The following FBXL17 variants were observed in gnomAD, a reference collection of about 807,000 sequenced individuals.
FBXL17 encodes the protein F-box and leucine rich repeat protein 17.
Under a neutral mutation model 66.2 loss-of-function variants are expected in FBXL17, and 22 were observed. That is an observed-to-expected ratio of 0.33 (90% CI 0.24 to 0.47). The LOEUF (loss-of-function observed/expected upper bound fraction) is 0.47. Among genes scored for constraint, FBXL17 ranks in the 20% least tolerant of loss-of-function variants. The pLI, the probability that FBXL17 is intolerant of heterozygous loss-of-function variation, is 1.00. For missense variants in FBXL17, 878 were observed against 948.2 expected, an observed-to-expected ratio of 0.93 and a Z score of 0.97; for synonymous variants, 474 against 400.5, an observed-to-expected ratio of 1.18 and a Z score of -2.19.
At chr5:108,059,329 G>A (rs1365804641) in intron 6 of FBXL17, among the ~76,000 whole-genome samples, 1 of 152,150 alleles carries the variant, frequency 6.6e-6, no homozygotes, top group Non-Finnish European at 1.5e-5. Context: ...TATTAGACCT[G>A]ACAGAGGCCT....
chr5:108,108,307 T>C (rs1749888947), intron 6 of FBXL17, among the ~76,000 whole-genome samples: 1 of 152,240 alleles, frequency 6.6e-6, no homozygotes, highest in Non-Finnish European at 1.5e-5. Context: ...ACAGTGTAGT[T>C]TTATTTTATT....
chr5:108,021,033 C>A, intron 6 of FBXL17, 32 bp from the exon 7 acceptor site: 2 of 1,509,810 alleles, frequency 1.3e-6, no homozygotes, highest in Non-Finnish European at 1.8e-6. Flanking sequence ...TATACTAATG[C>A]GTTTCAAGTT....
At chr5:108,070,626 A>G (rs560156746) in intron 6 of FBXL17, among the ~76,000 whole-genome samples, 2 of 152,320 alleles carry the variant, frequency 1.3e-5, no homozygotes, top group South Asian at 4.1e-4. Context: ...CCAAACCTCA[A>G]TTGCAAGGAT....
At chr5:108,047,174 A>G (rs573690286) in intron 6 of FBXL17, among the ~76,000 whole-genome samples, 1 of 152,310 alleles carries the variant, frequency 6.6e-6, no homozygotes, top group Admixed American at 6.5e-5. Flanking sequence ...GAGGGGAAGG[A>G]AGAGTAGTAT....
intron 6 of FBXL17, among the ~76,000 whole-genome samples, chr5:108,132,087 C>T (rs1750958013): frequency 6.6e-6 from 1 of 151,858 alleles, no homozygotes; most frequent in African/African-American, 2.4e-5. Context: ...AGCGATTCTC[C>T]TGCCTCAGCC....
At chr5:108,215,509 T>A (rs1287182709) in intron 5 of FBXL17, among the ~76,000 whole-genome samples, 1 of 152,212 alleles carries the variant, frequency 6.6e-6, no homozygotes, top group Non-Finnish European at 1.5e-5. Flanking sequence ...GGCAGCCAAG[T>A]ATATCTTCTC....
intron 4 of FBXL17, among the ~76,000 whole-genome samples, chr5:108,263,381 A>G (rs752561842): frequency 4.6e-5 from 7 of 152,222 alleles, no homozygotes; most frequent in Non-Finnish European, 7.3e-5. Flanking sequence ...AAAACAATAA[A>G]ATGTTTAAAA....
intron 6 of FBXL17, among the ~76,000 whole-genome samples, chr5:108,127,695 G>C (rs891149234): frequency 6.6e-6 from 1 of 151,944 alleles, no homozygotes; most frequent in African/African-American, 2.4e-5. Flanking sequence ...AAAATCTATA[G>C]GTAATGTGAT....
intron 4 of FBXL17, among the ~76,000 whole-genome samples, chr5:108,277,603 G>A (rs1275130259): frequency 6.6e-6 from 1 of 152,140 alleles, no homozygotes; most frequent in African/African-American, 2.4e-5. Flanking sequence ...TAATTTATTT[G>A]GTCATTCTGA....
chr5:108,281,733 C>T (rs570424723), intron 4 of FBXL17, among the ~76,000 whole-genome samples: 1 of 151,474 alleles, frequency 6.6e-6, no homozygotes, highest in Non-Finnish European at 1.5e-5. Flanking sequence ...AAAGGATCAA[C>T]AAAACAAAAA....
chr5:108,320,457 T>A (rs1012511674), intron 4 of FBXL17, among the ~76,000 whole-genome samples: 3 of 151,190 alleles, frequency 2.0e-5, no homozygotes, highest in African/African-American at 7.3e-5. Flanking sequence ...CAAAAAAAAA[T>A]TTTTTTTTGG....
intron 5 of FBXL17, among the ~76,000 whole-genome samples, chr5:108,192,310 C>A (rs1753500188): frequency 6.6e-6 from 1 of 152,156 alleles, no homozygotes; most frequent in Non-Finnish European, 1.5e-5. Flanking sequence ...CAAAGCCTTA[C>A]AATCAAGATC....
intron 4 of FBXL17, among the ~76,000 whole-genome samples, chr5:108,291,132 G>T (rs917478264): frequency 1.3e-5 from 2 of 152,108 alleles, no homozygotes; most frequent in Non-Finnish European, 2.9e-5. Context: ...TATTGGACTA[G>T]TTCCATTTCT....
chr5:107,905,809 T>G (rs1379103537), intron 7 of FBXL17, among the ~76,000 whole-genome samples: 2 of 152,220 alleles, frequency 1.3e-5, no homozygotes, highest in African/African-American at 4.8e-5. Flanking sequence ...GGAGATTCCC[T>G]TTTAATAAAT....
At chr5:107,884,771 G>A (rs1265543229) in intron 7 of FBXL17, among the ~76,000 whole-genome samples, 1 of 152,158 alleles carries the variant, frequency 6.6e-6, no homozygotes, top group Non-Finnish European at 1.5e-5. Flanking sequence ...CAATGGGGAG[G>A]TTGATTATTT....
intron 6 of FBXL17, among the ~76,000 whole-genome samples, chr5:108,114,532 C>G (rs939853657): frequency 6.6e-6 from 1 of 152,128 alleles, no homozygotes; most frequent in East Asian, 1.9e-4. Context: ...GCCCCACATT[C>G]TTTGTTTGTG....
intron 7 of FBXL17, among the ~76,000 whole-genome samples, chr5:108,005,727 C>A (rs2112725105): frequency 6.6e-6 from 1 of 152,330 alleles, no homozygotes; most frequent in East Asian, 1.9e-4. Flanking sequence ...CTGATAGGGA[C>A]ACCATTGCTT....
At chr5:108,165,280 T>C (rs569184862) in intron 6 of FBXL17, among the ~76,000 whole-genome samples, 1 of 152,230 alleles carries the variant, frequency 6.6e-6, no homozygotes, top group African/African-American at 2.4e-5. Flanking sequence ...GACAGTGTAA[T>C]TACAGAAGGA....
intron 6 of FBXL17, among the ~76,000 whole-genome samples, chr5:108,119,425 A>C (rs1457650201): frequency 6.6e-6 from 1 of 152,214 alleles, no homozygotes; most frequent in Non-Finnish European, 1.5e-5. Context: ...TGGGCATGTC[A>C]GGTGCCCAGC....
Sources: gnomAD v4.1 joint callset for allele counts (sites outside exome capture counted in the v4.1 genomes callset) on GRCh38, gnomAD v4.1.1 for gene constraint, MANE v1.5 for transcripts, NCBI Gene and HGNC (gene_info 2026-07-23, HGNC 2026-07-21) for gene names.